The following GOLPH3 variants were observed in gnomAD, a reference collection of about 807,000 sequenced individuals.
The protein encoded by GOLPH3 is coat protein GPP34.
A neutral mutation model predicts 28.5 loss-of-function variants in GOLPH3; 14 were observed. The ratio of observed to expected loss-of-function variants is 0.49; its 90% CI spans 0.32 to 0.77. The LOEUF (loss-of-function observed/expected upper bound fraction) is 0.77, where lower values mean the gene tolerates loss of function less well. GOLPH3 is among the 30% of genes least tolerant of loss of function. The pLI, the probability that GOLPH3 is intolerant of heterozygous loss-of-function variation, is 0.03. For missense variants in GOLPH3, 350 were observed against 393.7 expected, an observed-to-expected ratio of 0.89 and a Z score of 0.94; for synonymous variants, 158 against 159.2, an observed-to-expected ratio of 0.99 and a Z score of 0.06.
rs536021015 is a variant in GOLPH3 at position 32,140,478 on chromosome 5, C to G, written c.357+3271G>C. Among the ~76,000 whole-genome samples the G allele has an allele frequency of 2.6e-4, 39 of 151,724 alleles. 1 individual carries two copies. The South Asian group carries it at 7.9e-3, about 31-fold the overall frequency. Reference sequence around the variant, plus strand: ...CAGCCTGACCAATATGGTGAAACCCCATCTCTACTAAACATATAAAAAAAA... The same window carrying G: ...CAGCCTGACCAATATGGTGAAACCCGATCTCTACTAAACATATAAAAAAAA... On this transcript the variant is annotated intron_variant, in intron 2 of 3. Coordinates refer to ENST00000265070, the MANE Select transcript of GOLPH3 (RefSeq NM_022130.4).
intron 2 of GOLPH3, 25 bp from the exon 3 acceptor site, chr5:32,135,711 A>G (rs200485432): frequency 3.0e-5 from 43 of 1,421,878 alleles, no homozygotes; most frequent in Non-Finnish European, 3.8e-5. Flanking sequence ...AAAAGAATGA[A>G]AGGATCCACG....
chr5:32,154,251 TTAAG>T (rs1746369923), intron 1 of GOLPH3, among the ~76,000 whole-genome samples: 1 of 152,152 alleles, frequency 6.6e-6, no homozygotes, highest in African/African-American at 2.4e-5. Context: ...TAAAATGAAA[TTAAG>T]TGTTTATCCT....
At chr5:32,135,352 T>C (rs1745910357) in intron 3 of GOLPH3, among the ~76,000 whole-genome samples, 1 of 152,234 alleles carries the variant, frequency 6.6e-6, no homozygotes. Context: ...ATGGGAGCTC[T>C]AAGAGTATTA....
At chr5:32,166,966 A>AGG (rs147159094) in intron 1 of GOLPH3, among the ~76,000 whole-genome samples, 15 of 150,758 alleles carry the variant, frequency 9.9e-5, no homozygotes, top group African/African-American at 3.7e-4. Context: ...TGCTGTTAGA[A>AGG]GGGGGGGGGA....
intron 1 of GOLPH3, among the ~76,000 whole-genome samples, chr5:32,146,004 T>C (rs1271444841): frequency 6.6e-6 from 1 of 151,932 alleles, no homozygotes; most frequent in African/African-American, 2.4e-5. Context: ...AAATTAACCA[T>C]AGGGTGGCCA....
chr5:32,143,649 A>G (rs1746131419), intron 2 of GOLPH3, 100 bp downstream of exon 2: 4 of 1,053,290 alleles, frequency 3.8e-6, no homozygotes, highest in Non-Finnish European at 5.5e-6. Flanking sequence ...GACAACTTTA[A>G]TATCAACTTC....
At chr5:32,141,162 C>CAA (rs5867132) in intron 2 of GOLPH3, among the ~76,000 whole-genome samples, 9 of 116,162 alleles carry the variant, frequency 7.7e-5, no homozygotes, top group African/African-American at 2.0e-4. Context: ...GACTCAGTCT[C>CAA]AAAAAAAAAA....
intron 2 of GOLPH3, among the ~76,000 whole-genome samples, chr5:32,142,571 C>T (rs1254670331): frequency 1.4e-5 from 2 of 141,862 alleles, no homozygotes; most frequent in Non-Finnish European, 3.1e-5. Context: ...CCACTCTGCC[C>T]GGCCAGCCGC....
At chr5:32,131,613 T>C (rs1184449538) in intron 3 of GOLPH3, among the ~76,000 whole-genome samples, 2 of 152,234 alleles carry the variant, frequency 1.3e-5, no homozygotes, top group East Asian at 3.8e-4. Flanking sequence ...TCACCATATA[T>C]GTGAAAAGAC....
At position 32,174,083 on chromosome 5, in the gene GOLPH3, C is replaced by G. The variant is rs922551226; in HGVS notation, c.-49G>C. Reference sequence around the variant, plus strand: ...GGGCCGAGAGGGTCGCAGGACCGACCGGGTCGCCCTCCTCCTCCCCGCGCG... The same window carrying G: ...GGGCCGAGAGGGTCGCAGGACCGACGGGGTCGCCCTCCTCCTCCCCGCGCG... On this transcript the variant is annotated 5_prime_UTR_variant, in exon 1 of 4. Coordinates refer to ENST00000265070, the MANE Select transcript of GOLPH3 (RefSeq NM_022130.4). 1.7e-6 allele frequency: 2 copies of G among 1,200,602 alleles called. No homozygotes were observed. Among genetic ancestry groups the G allele is most frequent in the Non-Finnish European group, 2.1e-6 (2 of 958,102 alleles). 74.4% of individuals were successfully genotyped at this position (1,200,602 alleles called of 1,614,324 possible). A position where few individuals can be genotyped will look rare whatever the true frequency, so the allele number is the denominator to read the frequency against.
At chr5:32,173,613 G>T (rs1258610812) in intron 1 of GOLPH3, 197 bp downstream of exon 1, 1 of 389,868 alleles carries the variant, frequency 2.6e-6, no homozygotes, top group Non-Finnish European at 4.5e-6. Context: ...GGAGGATCCA[G>T]AAAGCACCAG....
chr5:32,169,895 C>T (rs1746793623), intron 1 of GOLPH3, among the ~76,000 whole-genome samples: 1 of 151,540 alleles, frequency 6.6e-6, no homozygotes, highest in Non-Finnish European at 1.5e-5. Context: ...ACTAGCCATC[C>T]CTGTTTTATA....
chr5:32,154,547 G>C (rs1746376029), intron 1 of GOLPH3, among the ~76,000 whole-genome samples: 1 of 152,214 alleles, frequency 6.6e-6, no homozygotes, highest in Non-Finnish European at 1.5e-5. Flanking sequence ...TACAATTATA[G>C]TTGATGTAGA....
chr5:32,149,131 G>A (rs1273683328), intron 1 of GOLPH3, among the ~76,000 whole-genome samples: 1 of 152,226 alleles, frequency 6.6e-6, no homozygotes, highest in Non-Finnish European at 1.5e-5. Flanking sequence ...GGATTCAGAA[G>A]CTACTGGCCA....
chr5:32,158,001 AT>A (rs1746470065), intron 1 of GOLPH3, among the ~76,000 whole-genome samples: 1 of 97,986 alleles, frequency 1.0e-5, no homozygotes, highest in African/African-American at 4.1e-5. Context: ...AAATAAATAA[AT>A]AAATAAATAA....
chr5:32,142,479 G>A (rs1195097231), intron 2 of GOLPH3, among the ~76,000 whole-genome samples: 8 of 149,010 alleles, frequency 5.4e-5, no homozygotes, highest in South Asian at 2.1e-4. Flanking sequence ...AGGTGGGGGG[G>A]TCAGCCCCCC....
intron 1 of GOLPH3, among the ~76,000 whole-genome samples, chr5:32,161,380 G>A (rs1246108004): frequency 6.7e-6 from 1 of 148,224 alleles, no homozygotes; most frequent in African/African-American, 2.6e-5. Flanking sequence ...CTCCACCCTG[G>A]GTGACAGAGC....
chr5:32,154,628 C>T (rs926588212), intron 1 of GOLPH3, among the ~76,000 whole-genome samples: 1 of 152,202 alleles, frequency 6.6e-6, no homozygotes, highest in African/African-American at 2.4e-5. Flanking sequence ...CTGAATTCTA[C>T]AGTGACCCCA....
At chr5:32,166,748 A>G (rs556289917) in intron 1 of GOLPH3, among the ~76,000 whole-genome samples, 129 of 151,956 alleles carry the variant, frequency 8.5e-4, no homozygotes, top group African/African-American at 2.9e-3. Context: ...GCGGAGTTGC[A>G]GTGGGCCAAG....
Sources: allele counts gnomAD v4.1 joint callset (sites outside exome capture counted in the v4.1 genomes callset), GRCh38; gene constraint gnomAD v4.1.1; transcripts MANE v1.5; gene names NCBI Gene and HGNC (gene_info 2026-07-23, HGNC 2026-07-21).